ATG9B: variants seen among roughly 807,000 people sequenced by gnomAD.
The protein encoded by ATG9B is autophagy-related protein 9B.
Under a neutral mutation model 92.9 loss-of-function variants are expected in ATG9B, and 92 were observed. The observed-to-expected ratio is 0.99, with a 90% confidence interval of 0.84 to 1.18. The LOEUF (loss-of-function observed/expected upper bound fraction) is 1.18, where lower values mean the gene tolerates loss of function less well. ATG9B is among the 50% of genes most tolerant of loss of function. The pLI is 0.00. For synonymous variants in ATG9B, 599 were observed against 551.4 expected (o/e 1.09, Z -1.21); for missense variants, 1,344 against 1,235.0 (o/e 1.09, Z -1.32).
intron 4 of ATG9B, among the ~76,000 whole-genome samples, chr7:151,022,327 G>T (rs1795782703): frequency 7.6e-6 from 1 of 132,018 alleles, no homozygotes; most frequent in Non-Finnish European, 1.7e-5. Flanking sequence ...ATAGAGATGT[G>T]GTCTCACTTT....
Position 151,016,189 on chromosome 7 carries a change from G to C in ATG9B, c.2567C>G (p.Ala856Gly). Residue 856 changes from alanine (A) to glycine (G), a missense_variant, in exon 12 of 14, where the codon GCC becomes GGC. Transcript: ENST00000639579. ...GGAGCAGGGCCTGGACAGGATGGAG[G>C]CTGCAGCCTCACCCCACGGCTCCTG... ...QQQEPWGEAA[A>G]SILSRPCSSP... The C allele has an allele frequency of 6.6e-7, 1 of 1,523,634 alleles. No individual in the cohort carries two copies. Among genetic ancestry groups the C allele is most frequent in the Non-Finnish European group, 8.8e-7 (1 of 1,132,266 alleles). 94.4% of individuals were successfully genotyped at this position (1,523,634 alleles called of 1,614,324 possible).
chr7:151,020,455 T>G (rs1795706156), intron 5 of ATG9B: 1 of 152,748 alleles, frequency 6.5e-6, no homozygotes, highest in Admixed American at 6.5e-5. Flanking sequence ...TCACCACCTC[T>G]GCTTCCCCGG....
Position 151,018,582 on chromosome 7 carries a change from C to A in ATG9B, c.1718+38G>T. ...CTCACATGGCCCCAGATCAGAGAAACCAACACACACCACCACCCCGGGCAT... is the reference window on the plus strand; with the variant it reads ...CTCACATGGCCCCAGATCAGAGAAAACAACACACACCACCACCCCGGGCAT... On this transcript the variant is annotated intron_variant, in intron 6 of 13. Transcript: ENST00000639579. The surrounding 1 kb of genome is among the most constrained non-coding windows in gnomAD (Gnocchi z 4.7). The A allele has an allele frequency of 6.3e-7, 1 of 1,578,084 alleles. No individual in the cohort carries two copies. Among genetic ancestry groups the A allele is most frequent in the South Asian group, 1.1e-5 (1 of 88,382 alleles).
chr7:151,019,280 G>C lies in ATG9B; in HGVS notation c.1058C>G (p.Thr353Arg), dbSNP rs1222168202. The C allele has an allele frequency of 1.9e-6, 3 of 1,585,816 alleles. No individual in the cohort carries two copies. Among genetic ancestry groups the C allele is most frequent in the East Asian group, 4.5e-5 (2 of 44,016 alleles). ...GATGCGGTGGTGGATGTCCAGCTCCGTCAGGGGCCGCGGCTGCACGCACAG... is the reference window on the plus strand; with the variant it reads ...GATGCGGTGGTGGATGTCCAGCTCCCTCAGGGGCCGCGGCTGCACGCACAG... Reference protein sequence around the residue: ...GGLCVQPRPLTELDIHHRILR... With the variant: ...GGLCVQPRPLRELDIHHRILR... The change falls in exon 6 of 14, where the codon ACG (threonine) becomes AGG (arginine). Residue 353 changes from threonine to arginine, a missense_variant. Physicochemically the swap from Thr to Arg is moderately conservative, Grantham distance 71. Coordinates refer to ENST00000639579, the MANE Select transcript of ATG9B (RefSeq NM_001317056.2).
rs1242339001 is a variant in ATG9B at position 151,016,501 on chromosome 7, C to A, written c.2450G>T (p.Gly817Val). The A allele has an allele frequency of 6.6e-5, 102 of 1,550,956 alleles. 1 individual carries two copies. The highest frequency in any genetic ancestry group is 7.8e-5 in the Non-Finnish European group (89 of 1,146,968). Residue 817 changes from glycine to valine, a missense_variant, in exon 11 of 14, where the codon GGC becomes GTC. Transcript: ENST00000639579. Reference sequence around the variant, plus strand: ...TTCTGGGAGCTGGGCCAGCTTCTGGCCCCCAGTGCCTCCTGGGGACACAGA... The same window carrying A: ...TTCTGGGAGCTGGGCCAGCTTCTGGACCCCAGTGCCTCCTGGGGACACAGA... ...PSSVSPGGTG[G>V]QKLAQLPELA...
In ATG9B at chr7:151,015,931, G is replaced by T. The variant is rs760161109; in HGVS notation, c.2740C>A (p.Gln914Lys). The change falls in exon 13 of 14, where the codon CAG (glutamine) becomes AAG (lysine). Residue 914 changes from glutamine to lysine, a missense_variant. By Grantham distance (53) the Gln-to-Lys change is moderately conservative. Transcript: ENST00000639579. ...CAAGAGGCCCGGTCAGGCTCCTTCT[G>T]GGTGTCTGTGGTCACCTGAAACCCT... ...PGGFQVTTDT[Q>K]KEPDRASCTD The T allele has an allele frequency of 1.9e-6, 3 of 1,551,556 alleles. No individual in the cohort carries two copies. The highest frequency in any genetic ancestry group is 1.7e-6 in the Non-Finnish European group (2 of 1,146,992).
In ATG9B at chr7:151,019,275, G is replaced by T; in HGVS notation, c.1063C>A (p.Leu355Met). 1 of 1,584,508 alleles carries T rather than the reference G, an allele frequency of 6.3e-7. No individual in the cohort carries two copies. ...CGCAGGATGCGGTGGTGGATGTCCA[G>T]CTCCGTCAGGGGCCGCGGCTGCACG... ...LCVQPRPLTE[L>M]DIHHRILRYT... The change falls in exon 6 of 14, where the codon CTG becomes ATG. Residue 355 changes from leucine to methionine, a missense_variant. Transcript: ENST00000639579.
In ATG9B at chr7:151,018,868, G is replaced by T. The variant is rs1188615930; in HGVS notation, c.1470C>A (p.Arg490=). ...GCTCGTGCGGCAGCTCGTTGAAGTGGCGCAGCTGCAAGCGCGCCAGGCGGG... is the reference window on the plus strand; with the variant it reads ...GCTCGTGCGGCAGCTCGTTGAAGTGTCGCAGCTGCAAGCGCGCCAGGCGGG... ...GWSRLARLQL[R]HFNELPHELR... Residue 490 remains arginine (R), a synonymous_variant, in exon 6 of 14, where the codon CGC becomes CGA. Coordinates refer to ENST00000639579, the MANE Select transcript of ATG9B (RefSeq NM_001317056.2). The surrounding 1 kb of genome is among the most constrained non-coding windows in gnomAD (Gnocchi z 4.7). 11 of 1,364,092 alleles carry T rather than the reference G, an allele frequency of 8.1e-6. No homozygotes were observed. Among genetic ancestry groups the T allele is most frequent in the Middle Eastern group, 4.7e-4 (2 of 4,242 alleles). 84.5% of individuals were successfully genotyped at this position (1,364,092 alleles called of 1,614,324 possible). A position where few individuals can be genotyped will look rare whatever the true frequency, so the allele number is the denominator to read the frequency against.
chr7:151,024,369 C>A lies in ATG9B; in HGVS notation c.55G>T (p.Asp19Tyr). ...AGGGGCACCGATCCGGGCCCCAGAT[C>A]TCCCCACCGCCCCAGCCGCCTTCTT... Reference protein sequence around the residue: ...GRRRRLGRWGDLGPGSVPLLP... With the variant: ...GRRRRLGRWGYLGPGSVPLLP... Residue 19 changes from aspartate (D) to tyrosine (Y), a missense_variant, in exon 1 of 14, where the codon GAT becomes TAT. By Grantham distance (160) the Asp-to-Tyr change is radical. Coordinates refer to ENST00000639579, the MANE Select transcript of ATG9B (RefSeq NM_001317056.2). The A allele has an allele frequency of 7.2e-7, 1 of 1,385,818 alleles. No individual in the cohort carries two copies. Among genetic ancestry groups the A allele is most frequent in the Non-Finnish European group, 9.4e-7 (1 of 1,065,116 alleles). The allele number at this position is 1,385,818 out of a possible 1,614,324, so 85.8% of individuals were successfully genotyped here. A position where few individuals can be genotyped will look rare whatever the true frequency, so the allele number is the denominator to read the frequency against.
intron 11 of ATG9B, 86 bp downstream of exon 11, chr7:151,016,345 C>G (rs978515916): frequency 6.6e-7 from 1 of 1,511,446 alleles, no homozygotes; most frequent in Non-Finnish European, 8.9e-7. Context: ...CTGCTAGACC[C>G]TTCCGTAGAC....
rs1381881796 is a variant in ATG9B at position 151,024,320 on chromosome 7, G to A, written c.104C>T (p.Pro35Leu). ...VPLLPMPLPP[P>L]PPPSCRGPGG... is the part of the protein sequence containing the mutation. ...AGGTCCCCGGCATGAAGGAGGAGGA[G>A]GAGGTGGCAGTGGCATGGGGAGGAG... Residue 35 changes from proline to leucine, a missense_variant, in exon 1 of 14, where the codon CCT (proline) becomes CTT (leucine). Physicochemically the swap from Pro to Leu is moderately conservative, Grantham distance 98. Transcript: ENST00000639579. 3.5e-6 allele frequency: 5 copies of A among 1,431,832 alleles called. No individual in the cohort carries two copies. Among genetic ancestry groups the A allele is most frequent in the South Asian group, 1.6e-5 (1 of 61,452 alleles). 88.7% of individuals were successfully genotyped at this position (1,431,832 alleles called of 1,614,324 possible). A position where few individuals can be genotyped will look rare whatever the true frequency, so the allele number is the denominator to read the frequency against.
rs1341979326 is a variant in ATG9B, at chr7:151,018,447, C to T, written c.1719G>A (p.Arg573=). The change falls in exon 7 of 14, where the codon AGG becomes AGA. Residue 573 remains arginine (R), a splice_region_variant and synonymous_variant. Transcript: ENST00000639579. The surrounding 1 kb of genome is among the most constrained non-coding windows in gnomAD (Gnocchi z 4.7). ...TALGVTATVA[R]SFIPEEQCQG... ...GGCACTGCTCTTCCGGAATGAAAGA[C>T]CTGAAAGGCGGGATCCGTGGGGGGA... 1.3e-6 allele frequency: 2 copies of T among 1,524,760 alleles called. No homozygotes were observed. The highest frequency in any genetic ancestry group is 4.6e-5 in the East Asian group (2 of 43,092). 94.5% of individuals were successfully genotyped at this position (1,524,760 alleles called of 1,614,324 possible). A position where few individuals can be genotyped will look rare whatever the true frequency, so the allele number is the denominator to read the frequency against.
rs1484780844 is a variant in ATG9B, at chr7:151,016,455, ACTCAT to A, written c.2491_2495del (p.Met831SerfsTer21). The A allele has an allele frequency of 6.5e-7, 1 of 1,550,214 alleles. No homozygotes were observed. The highest frequency in any genetic ancestry group is 1.2e-5 in the South Asian group (1 of 83,974). On this transcript the variant is annotated frameshift_variant, in exon 11 of 14. Coordinates refer to ENST00000639579, the MANE Select transcript of ATG9B (RefSeq NM_001317056.2). LOFTEE classifies it high-confidence loss of function. ...CCTGGTGCAGGTAGATGACATGGAG[ACTCAT>A]CTCGGCAGAAGCAAGTTCTGGGAGC...
At chr7:151,020,427 G>A (rs1795704793) in intron 5 of ATG9B, 1 of 152,708 alleles carries the variant, frequency 6.5e-6, no homozygotes, top group African/African-American at 2.4e-5. Flanking sequence ...GAGCCAATCC[G>A]AGGTCCAGCT....
chr7:151,020,855 G>A (rs766909871), intron 5 of ATG9B: 6 of 236,336 alleles, frequency 2.5e-5, no homozygotes, highest in South Asian at 5.5e-5. Context: ...CTGCCCTTCC[G>A]AAGCCCAACC....
downstream of ATG9B, chr7:151,013,788 A>G (rs1563237031): frequency 1.9e-6 from 3 of 1,611,406 alleles, no homozygotes; most frequent in Admixed American, 5.0e-5. Context: ...CTGTGCCTCG[A>G]GCGGGGCCAC....
In ATG9B at chr7:151,017,930, C is replaced by A. The variant is rs1402171557; in HGVS notation, c.1993G>T (p.Gly665Trp). 4.3e-6 allele frequency: 7 copies of A among 1,610,198 alleles called. No homozygotes were observed. The highest frequency in any genetic ancestry group is 5.9e-6 in the Non-Finnish European group (7 of 1,178,220). Reference protein sequence around the residue: ...FFHHFTVDVAGVGDICSFALM... With the variant: ...FFHHFTVDVAWVGDICSFALM... ...GCAAAGGAACAGATGTCCCCAACCC[C>A]AGCCACATCCACAGTGAAGTGATGA... The change falls in exon 8 of 14, where the codon GGG becomes TGG. Residue 665 changes from glycine to tryptophan, a missense_variant. Gly to Trp is a radical substitution (Grantham distance 184, BLOSUM62 -2). Coordinates refer to ENST00000639579, the MANE Select transcript of ATG9B (RefSeq NM_001317056.2).
In ATG9B at chr7:151,018,326, G is replaced by C. The variant is rs1386684536; in HGVS notation, c.1840C>G (p.Arg614Gly). The change falls in exon 7 of 14, where the codon CGG becomes GGG. Residue 614 changes from arginine to glycine, a missense_variant. Arg to Gly is a moderately radical substitution (Grantham distance 125). Coordinates refer to ENST00000639579, the MANE Select transcript of ATG9B (RefSeq NM_001317056.2). The surrounding 1 kb of genome is among the most constrained non-coding windows in gnomAD (Gnocchi z 4.7). ...PGPGGRDRAY[R>G]QMAQLLQYRA... is the part of the protein sequence containing the mutation. The stretch of plus-strand genomic sequence containing the variant: ...TACTGCAGCAGCTGCGCCATCTGCC[G>C]GTAGGCGCGGTCCCTGCCGCCGGGG... The C allele has an allele frequency of 1.3e-6, 2 of 1,588,172 alleles. No homozygotes were observed. The highest frequency in any genetic ancestry group is 2.2e-5 in the East Asian group (1 of 44,676).
rs1203457717 is a variant in ATG9B, at chr7:151,015,209, A to G, written c.*519T>C. The G allele has an allele frequency of 2.0e-5, 3 of 152,198 alleles. No homozygotes were observed. The highest frequency in any genetic ancestry group is 4.4e-5 in the Non-Finnish European group (3 of 68,050). 9.4% of individuals were successfully genotyped at this position (152,198 alleles called of 1,614,324 possible). On this transcript the variant is annotated 3_prime_UTR_variant, in exon 14 of 14. Transcript: ENST00000639579. Reference sequence around the variant, plus strand: ...TCATACAGGATGGGGAGCCACACCCACTTCCTGGGACATCACACCCGTACT... The same window carrying G: ...TCATACAGGATGGGGAGCCACACCCGCTTCCTGGGACATCACACCCGTACT...
Sources: allele counts gnomAD v4.1 joint callset (sites outside exome capture counted in the v4.1 genomes callset), GRCh38; gene constraint gnomAD v4.1.1; non-coding constraint Gnocchi (gnomAD v3.1); transcripts MANE v1.5; gene names NCBI Gene and HGNC (gene_info 2026-07-23, HGNC 2026-07-21).